Variants in ZMAT4 observed in about 807,000 individuals in gnomAD.
ZMAT4 encodes zinc finger matrin-type 4, also known as zinc finger matrin-type protein 4.
Under a neutral mutation model 28.7 loss-of-function variants are expected in ZMAT4, and 17 were observed. That is an observed-to-expected ratio of 0.59 (90% CI 0.41 to 0.89). The LOEUF (loss-of-function observed/expected upper bound fraction) is 0.89. Among genes scored for constraint, ZMAT4 ranks in the 40% least tolerant of loss-of-function variants. The probability of loss-of-function intolerance (pLI) is 0.00; values close to 1 mark genes in which losing one functional copy is unlikely to be tolerated. For missense variants in ZMAT4, 240 were observed against 283.8 expected, an observed-to-expected ratio of 0.85 and a Z score of 1.11; for synonymous variants, 117 against 109.2, an observed-to-expected ratio of 1.07 and a Z score of -0.44.
chr8:40,802,534 T>C (rs977184374), intron 2 of ZMAT4, among the ~76,000 whole-genome samples: 1 of 152,040 alleles, frequency 6.6e-6, no homozygotes, highest in Non-Finnish European at 1.5e-5. Flanking sequence ...TAAGAAAAAC[T>C]GTACAATTTT....
chr8:40,604,803 A>G (rs1204311890), intron 5 of ZMAT4, among the ~76,000 whole-genome samples: 1 of 152,180 alleles, frequency 6.6e-6, no homozygotes, highest in Non-Finnish European at 1.5e-5. Context: ...GTTGGTATCA[A>G]TTCTTCTATG....
chr8:40,881,972 G>T (rs374460072), intron 1 of ZMAT4, among the ~76,000 whole-genome samples: 68 of 152,252 alleles, frequency 4.5e-4, no homozygotes, highest in African/African-American at 1.6e-3. Flanking sequence ...CAGAAAGCCT[G>T]CCCAGGGCCT....
intron 1 of ZMAT4, among the ~76,000 whole-genome samples, chr8:40,826,747 A>G (rs961967789): frequency 6.6e-6 from 1 of 152,204 alleles, no homozygotes; most frequent in African/African-American, 2.4e-5. Context: ...CCCACAAAGT[A>G]AATAAACATA....
chr8:40,691,159 T>C (rs1247706281), intron 4 of ZMAT4, among the ~76,000 whole-genome samples: 1 of 152,218 alleles, frequency 6.6e-6, no homozygotes, highest in African/African-American at 2.4e-5. Context: ...TTGATGTATG[T>C]GTGTTTCTGC....
intron 5 of ZMAT4, among the ~76,000 whole-genome samples, chr8:40,670,324 G>T (rs1808613593): frequency 6.6e-6 from 1 of 152,130 alleles, no homozygotes. Flanking sequence ...TGTAACAACT[G>T]TGTAAATATA....
intron 6 of ZMAT4, among the ~76,000 whole-genome samples, chr8:40,566,509 A>G (rs571915557): frequency 7.9e-5 from 12 of 152,204 alleles, no homozygotes; most frequent in African/African-American, 2.6e-4. Flanking sequence ...CTGTGACCTG[A>G]TCTCTCCTTT....
chr8:40,896,368 G>T (rs1818879813), intron 1 of ZMAT4, among the ~76,000 whole-genome samples: 1 of 152,114 alleles, frequency 6.6e-6, no homozygotes, highest in South Asian at 2.1e-4. Flanking sequence ...GAAATCAGAG[G>T]GATGAAAATC....
chr8:40,858,101 G>A (rs1817359856), intron 1 of ZMAT4, among the ~76,000 whole-genome samples: 1 of 152,158 alleles, frequency 6.6e-6, no homozygotes, highest in South Asian at 2.1e-4. Context: ...AAAGCTCACT[G>A]AGCTCTACAC....
At chr8:40,756,695 T>G (rs1257332773) in intron 3 of ZMAT4, among the ~76,000 whole-genome samples, 1 of 150,590 alleles carries the variant, frequency 6.6e-6, no homozygotes, top group African/African-American at 2.4e-5. Flanking sequence ...TTGTGGTAGT[T>G]CTGTTCTATA....
intron 2 of ZMAT4, among the ~76,000 whole-genome samples, chr8:40,773,034 G>T (rs1813445803): frequency 6.6e-6 from 1 of 152,210 alleles, no homozygotes; most frequent in Non-Finnish European, 1.5e-5. Context: ...CCTGGAAAAG[G>T]TGCAGCATGG....
At chr8:40,719,160 G>A (rs181639865) in intron 3 of ZMAT4, among the ~76,000 whole-genome samples, 1 of 152,228 alleles carries the variant, frequency 6.6e-6, no homozygotes, top group East Asian at 1.9e-4. Context: ...AAGACTTTGA[G>A]GCCAGGTGTG....
At chr8:40,737,321 G>A (rs1281169664) in intron 3 of ZMAT4, among the ~76,000 whole-genome samples, 1 of 151,864 alleles carries the variant, frequency 6.6e-6, no homozygotes, top group Non-Finnish European at 1.5e-5. Context: ...CAAAAGATTG[G>A]ACACCCCCGA....
intron 3 of ZMAT4, among the ~76,000 whole-genome samples, chr8:40,728,741 T>C (rs1811409964): frequency 6.6e-6 from 1 of 152,190 alleles, no homozygotes; most frequent in East Asian, 1.9e-4. Flanking sequence ...AGTGCTGAGT[T>C]CAATGAGTTT....
Position 40,635,445 on chromosome 8 carries a change from T to C in ZMAT4, c.577+39259A>G, listed in dbSNP as rs530122959. Among the ~76,000 whole-genome samples the C allele has an allele frequency of 2.8e-4, 42 of 152,266 alleles. 2 individuals are homozygous for C. In the South Asian group the frequency reaches 8.1e-3, roughly 29 times the overall value. ...CCTCAAAGTGCTGTCACTTGCATCT[T>C]TGCAAAGAGCACCCCGACCCCACCA... On this transcript the variant is annotated intron_variant, in intron 5 of 6. Transcript: ENST00000297737.
At chr8:40,646,585 G>T (rs541652184) in intron 5 of ZMAT4, among the ~76,000 whole-genome samples, 1 of 151,918 alleles carries the variant, frequency 6.6e-6, no homozygotes, top group Admixed American at 6.5e-5. Context: ...TGTATTTATT[G>T]TTGTCAATTT....
intron 2 of ZMAT4, 86 bp from the exon 3 acceptor site, chr8:40,767,816 AAG>A: frequency 1.9e-6 from 2 of 1,073,096 alleles, no homozygotes; most frequent in Non-Finnish European, 2.7e-6. Flanking sequence ...CAAATGCAAA[AAG>A]AAATGTATTT....
intron 1 of ZMAT4, among the ~76,000 whole-genome samples, chr8:40,836,747 GATGATT>G (rs1197434055): frequency 6.6e-6 from 1 of 152,224 alleles, no homozygotes; most frequent in East Asian, 1.9e-4. Flanking sequence ...GATTCAGGAT[GATGATT>G]GCCTTAGGTT....
chr8:40,856,875 CCA>C (rs1417607006), intron 1 of ZMAT4, among the ~76,000 whole-genome samples: 6 of 152,110 alleles, frequency 3.9e-5, no homozygotes, highest in Admixed American at 1.3e-4. Flanking sequence ...TGGATGAACC[CCA>C]GAGTCTGCCA....
intron 3 of ZMAT4, among the ~76,000 whole-genome samples, chr8:40,753,508 T>C (rs1812542876): frequency 1.3e-5 from 2 of 152,226 alleles, no homozygotes; most frequent in African/African-American, 4.8e-5. Flanking sequence ...TTTAAATATT[T>C]GTACGATTTT....
Sources: allele counts gnomAD v4.1 joint callset (sites outside exome capture counted in the v4.1 genomes callset), GRCh38; gene constraint gnomAD v4.1.1; transcripts MANE v1.5; gene names NCBI Gene and HGNC (gene_info 2026-07-23, HGNC 2026-07-21).